Variants in DSCAM observed in about 807,000 individuals in gnomAD.
DSCAM encodes cell adhesion molecule DSCAM.
In DSCAM, 47 loss-of-function variants were observed where a neutral mutation model predicts 217.7. The ratio of observed to expected loss-of-function variants is 0.22; its 90% confidence interval spans 0.17 to 0.28. The LOEUF (loss-of-function observed/expected upper bound fraction) is 0.28, where lower values mean the gene tolerates loss of function less well. DSCAM is among the 10% of genes least tolerant of loss of function. DSCAM has a pLI of 1.00. For missense variants in DSCAM, 2,080 were observed against 2,618.3 expected (o/e 0.79, Z 4.49); for synonymous variants, 1,056 against 1,015.3 (o/e 1.04, Z -0.76).
At chr21:40,293,560 C>T (rs568770486) in intron 10 of DSCAM, among the ~76,000 whole-genome samples, 43 of 152,260 alleles carry the variant, frequency 2.8e-4, no homozygotes, top group African/African-American at 9.4e-4. Context: ...ATTAGATAAA[C>T]GTAATTATTG....
rs1205594713 is a variant in DSCAM, at chr21:40,620,277, GAGAA to G, written c.508+72529_508+72532del. Among the ~76,000 whole-genome samples the G allele has an allele frequency of 2.4e-3, 256 of 106,830 alleles. 22 individuals carry two copies. Among genetic ancestry groups the G allele is most frequent in the African/African-American group, 9.6e-3 (246 of 25,698 alleles). 70.1% of individuals were successfully genotyped at this position (106,830 alleles called of 152,430 possible). A position where few individuals can be genotyped will look rare whatever the true frequency, so the allele number is the denominator to read the frequency against. On this transcript the variant is annotated intron_variant, in intron 3 of 32. Coordinates refer to ENST00000400454, the MANE Select transcript of DSCAM (RefSeq NM_001389.5). Reference sequence around the variant, plus strand: ...GAGAAAAAAGAAAAAGAAAGAAAGAGAGAAAGAGAGAGAAAAAAGAAAAAGAAAG... The same window carrying G: ...GAGAAAAAAGAAAAAGAAAGAAAGAGAGAGAGAGAAAAAAGAAAAAGAAAG...
chr21:40,342,642 A>T lies in DSCAM; in HGVS notation c.1211-3227T>A, dbSNP rs1209362742. On this transcript the variant is annotated intron_variant, in intron 6 of 32. Coordinates refer to ENST00000400454, the MANE Select transcript of DSCAM (RefSeq NM_001389.5). The stretch of plus-strand genomic sequence containing the variant: ...TGTGTGTGTGTATATATATATATAT[A>T]TATATATTTTTTTTTTTTTTTTGAG... Among the ~76,000 whole-genome samples the T allele has an allele frequency of 2.5e-4, 24 of 95,512 alleles. 1 individual carries two copies. Among genetic ancestry groups the T allele is most frequent in the African/African-American group, 9.7e-4 (22 of 22,652 alleles). 62.7% of individuals were successfully genotyped at this position (95,512 alleles called of 152,430 possible).
At chr21:40,360,940 T>C (rs2074756544) in intron 4 of DSCAM, among the ~76,000 whole-genome samples, 1 of 152,200 alleles carries the variant, frequency 6.6e-6, no homozygotes, top group South Asian at 2.1e-4. Flanking sequence ...CAGTAGTGTA[T>C]AAGTGTTCCC....
intron 3 of DSCAM, among the ~76,000 whole-genome samples, chr21:40,555,057 C>T (rs907431509): frequency 6.6e-6 from 1 of 152,128 alleles, no homozygotes; most frequent in African/African-American, 2.4e-5. Context: ...TGAAATGATG[C>T]ATATTTTATA....
chr21:40,099,085 T>C (rs536025033), intron 20 of DSCAM, among the ~76,000 whole-genome samples: 1 of 152,300 alleles, frequency 6.6e-6, no homozygotes, highest in Non-Finnish European at 1.5e-5. Flanking sequence ...TAACAATTAC[T>C]CTTACTGAAC....
At chr21:40,494,678 C>T (rs2076103371) in intron 3 of DSCAM, among the ~76,000 whole-genome samples, 1 of 151,082 alleles carries the variant, frequency 6.6e-6, no homozygotes, top group Non-Finnish European at 1.5e-5. Context: ...TTTCAAATAA[C>T]CTAAAGTTAC....
At chr21:40,781,774 C>G (rs938201818) in intron 1 of DSCAM, among the ~76,000 whole-genome samples, 9 of 152,092 alleles carry the variant, frequency 5.9e-5, no homozygotes, top group African/African-American at 2.2e-4. Context: ...GTCCTACTTA[C>G]ATTCTGTAGC....
intron 28 of DSCAM, among the ~76,000 whole-genome samples, chr21:40,060,002 C>T (rs895532296): frequency 3.3e-5 from 5 of 152,196 alleles, no homozygotes; most frequent in Admixed American, 1.3e-4. Flanking sequence ...ATTCACCTGC[C>T]GAACTTAGAT....
At chr21:40,781,712 T>C (rs1323152939) in intron 1 of DSCAM, among the ~76,000 whole-genome samples, 4 of 152,046 alleles carry the variant, frequency 2.6e-5, no homozygotes, top group Non-Finnish European at 4.4e-5. Flanking sequence ...TGCATTTCCA[T>C]AGAAACCACC....
intron 3 of DSCAM, among the ~76,000 whole-genome samples, chr21:40,532,915 C>CGT (rs2146113110): frequency 1.4e-5 from 2 of 144,886 alleles, no homozygotes; most frequent in East Asian, 2.4e-4. Flanking sequence ...TGTGTGCACA[C>CGT]GCACGCGCAT....
chr21:40,020,514 GGTGTGT>G (rs368437369), intron 32 of DSCAM, among the ~76,000 whole-genome samples: 4 of 149,984 alleles, frequency 2.7e-5, no homozygotes, highest in African/African-American at 4.9e-5. Context: ...AGAAAAGTGT[GGTGTGT>G]GTGTGTGTGT....
chr21:40,061,904 A>G (rs1032304358), intron 28 of DSCAM, among the ~76,000 whole-genome samples: 2 of 152,200 alleles, frequency 1.3e-5, no homozygotes, highest in Non-Finnish European at 2.9e-5. Flanking sequence ...TGAGTTCACT[A>G]TCGGAGTCCT....
intron 1 of DSCAM, among the ~76,000 whole-genome samples, chr21:40,807,080 C>A (rs1426497454): frequency 7.3e-5 from 11 of 151,236 alleles, no homozygotes; most frequent in Admixed American, 7.3e-4. Flanking sequence ...GCACGTTCTG[C>A]ACATGTATCC....
At chr21:40,511,730 G>A (rs2076258673) in intron 3 of DSCAM, among the ~76,000 whole-genome samples, 1 of 151,950 alleles carries the variant, frequency 6.6e-6, no homozygotes, top group Non-Finnish European at 1.5e-5. Flanking sequence ...GGTGGCTCAC[G>A]CCTGTAATCC....
chr21:40,698,918 GTC>G (rs983336046), intron 2 of DSCAM, among the ~76,000 whole-genome samples: 2 of 147,314 alleles, frequency 1.4e-5, no homozygotes, highest in African/African-American at 5.0e-5. Context: ...TGTTCTTCGT[GTC>G]TCTGAGTCCA....
intron 20 of DSCAM, among the ~76,000 whole-genome samples, chr21:40,105,863 C>A (rs796598857): frequency 6.6e-5 from 10 of 152,252 alleles, no homozygotes; most frequent in African/African-American, 2.4e-4. Context: ...TTGAGATAAT[C>A]ATGTAGTTTT....
intron 9 of DSCAM, among the ~76,000 whole-genome samples, chr21:40,301,467 T>C (rs931350374): frequency 6.6e-6 from 1 of 152,222 alleles, no homozygotes; most frequent in South Asian, 2.1e-4. Flanking sequence ...CACAGGCTTC[T>C]TCATGTCTGT....
intron 1 of DSCAM, among the ~76,000 whole-genome samples, chr21:40,727,991 A>G (rs1488634567): frequency 6.6e-6 from 1 of 151,590 alleles, no homozygotes; most frequent in Non-Finnish European, 1.5e-5. Flanking sequence ...TCTCCCAGAA[A>G]CTCCCTGGCT....
chr21:40,209,066 G>A (rs1216581828), intron 11 of DSCAM, among the ~76,000 whole-genome samples: 3 of 152,218 alleles, frequency 2.0e-5, no homozygotes, highest in African/African-American at 7.2e-5. Context: ...GTAGGGGTGA[G>A]GTTCTGTGGG....
Sources: allele counts gnomAD v4.1 joint callset (sites outside exome capture counted in the v4.1 genomes callset), GRCh38; gene constraint gnomAD v4.1.1; transcripts MANE v1.5; gene names NCBI Gene and HGNC (gene_info 2026-07-23, HGNC 2026-07-21).